S1PR2: variants seen among roughly 807,000 people sequenced by gnomAD.
S1PR2 encodes the protein sphingosine 1-phosphate receptor 2.
Under a neutral mutation model 16.1 loss-of-function variants are expected in S1PR2, and 9 were observed. That is an observed-to-expected ratio of 0.56 (90% CI 0.34 to 0.98). The LOEUF (loss-of-function observed/expected upper bound fraction) is 0.98. S1PR2 is among the 50% of genes least tolerant of loss of function. S1PR2 has a pLI of 0.02. For synonymous variants in S1PR2, 224 were observed against 233.9 expected (o/e 0.96, Z 0.38); for missense variants, 361 against 488.4 (o/e 0.74, Z 2.46).
Position 10,222,780 on chromosome 19 carries a change from C to G in S1PR2, c.*1064G>C, listed in dbSNP as rs2039601177. 2.0e-5 allele frequency: 3 copies of G among 152,178 alleles called. No individual in the cohort carries two copies. The South Asian group carries it at 6.2e-4, about 32-fold the overall frequency. 9.4% of individuals were successfully genotyped at this position (152,178 alleles called of 1,614,324 possible). A position where few individuals can be genotyped will look rare whatever the true frequency, so the allele number is the denominator to read the frequency against. On this transcript the variant is annotated 3_prime_UTR_variant, in exon 2 of 2. Transcript: ENST00000646641. ...TCAGGACAGTGGTTCTGTAGTCGCA[C>G]GAAGTTGCCCAGAGAAGGTGGCAGG...
Position 10,224,939 on chromosome 19 carries a change from C to T in S1PR2, c.-34G>A. On this transcript the variant is annotated 5_prime_UTR_variant, in exon 2 of 2. Transcript: ENST00000646641. ...TCAGAGGCCTGCTGGGGCCATGGGG[C>T]TTTCAGAACTGCAGAGAAGACAGAC... The T allele has an allele frequency of 6.5e-7, 1 of 1,537,702 alleles. No individual in the cohort carries two copies. The highest frequency in any genetic ancestry group is 8.8e-7 in the Non-Finnish European group (1 of 1,130,728).
In S1PR2 at chr19:10,227,132, T is replaced by A. The variant is rs182623858; in HGVS notation, c.-42-2185A>T. ...GGTTAGGGGTTGTCAGAGGCGCCAG[T>A]GCAGTGTATGCCTTTCATGAAGGGA... On this transcript the variant is annotated intron_variant, in intron 1 of 1. Transcript: ENST00000646641. Among the ~76,000 whole-genome samples the A allele has an allele frequency of 1.1e-3, 168 of 151,898 alleles. 1 individual carries two copies. Among genetic ancestry groups the A allele is most frequent in the Non-Finnish European group, 1.7e-3 (113 of 67,904 alleles).
intron 1 of S1PR2, among the ~76,000 whole-genome samples, chr19:10,230,224 T>G: frequency 6.6e-6 from 1 of 152,334 alleles, no homozygotes; most frequent in South Asian, 2.1e-4. Flanking sequence ...GGTTTAGGAA[T>G]GCGCGGTATC....
intron 1 of S1PR2, among the ~76,000 whole-genome samples, chr19:10,229,105 C>T (rs1330401318): frequency 6.6e-6 from 1 of 152,070 alleles, no homozygotes; most frequent in Non-Finnish European, 1.5e-5. Context: ...CACTCCCCAA[C>T]TCCAAATTCT....
chr19:10,230,918 C>G (rs2145447654), intron 1 of S1PR2, among the ~76,000 whole-genome samples: 1 of 152,344 alleles, frequency 6.6e-6, no homozygotes, highest in Admixed American at 6.5e-5. Context: ...CGGCGTCCTG[C>G]CTCCCAAAGA....
Position 10,224,090 on chromosome 19 carries a change from G to C in S1PR2, c.816C>G (p.Tyr272Ter), listed in dbSNP as rs774428989. Residue 272 changes from tyrosine (Y) to a stop codon, truncating the protein, a stop_gained, in exon 2 of 2, where the codon TAC becomes TAG. Transcript: ENST00000646641. LOFTEE classifies it high-confidence loss of function. ...AATTCAGGGTGGAGACGGCGAAAAA[G>C]TAGTGGGCTTTGTAGAGGATCGGGC... ...HSCPILYKAH[Y>*]FFAVSTLNSL... The C allele has an allele frequency of 6.2e-7, 1 of 1,606,432 alleles. No individual in the cohort carries two copies. Among genetic ancestry groups the C allele is most frequent in the Non-Finnish European group, 8.5e-7 (1 of 1,179,994 alleles).
Position 10,224,040 on chromosome 19 carries a change from G to A in S1PR2, c.866C>T (p.Thr289Met), listed in dbSNP as rs373228288. ...CCGCCGCAGGTCCCGGCTGCGCCAC[G>A]TGTAGATGACGGGGTTGAGCAGGGA... ...LNSLLNPVIY[T>M]WRSRDLRREV... Residue 289 changes from threonine to methionine, a missense_variant, in exon 2 of 2, where the codon ACG (threonine) becomes ATG (methionine). Transcript: ENST00000646641. The A allele has an allele frequency of 8.1e-6, 13 of 1,611,986 alleles. No homozygotes were observed. The highest frequency in any genetic ancestry group is 5.0e-5 in the Admixed American group (3 of 60,030).
At chr19:10,230,346 G>C (rs1462994359) in intron 1 of S1PR2, 2 of 154,282 alleles carry the variant, frequency 1.3e-5, no homozygotes, top group Non-Finnish European at 2.9e-5. Flanking sequence ...TCTCCGTCCC[G>C]CCAGGGGTCC....
intron 1 of S1PR2, among the ~76,000 whole-genome samples, chr19:10,227,414 C>T (rs1041924512): frequency 6.6e-6 from 1 of 152,176 alleles, no homozygotes; most frequent in Non-Finnish European, 1.5e-5. Flanking sequence ...GGAGGGACAT[C>T]CGTCCTAGTT....
At position 10,221,437 on chromosome 19, in the gene S1PR2, G is replaced by A. The variant is rs2039592216; in HGVS notation, c.*2407C>T. 6.6e-6 allele frequency: 1 copy of A among 152,510 alleles called. No homozygotes were observed. The highest frequency in any genetic ancestry group is 6.5e-5 in the Admixed American group (1 of 15,276). The allele number at this position is 152,510 out of a possible 1,614,324, so 9.4% of individuals were successfully genotyped here. A position where few individuals can be genotyped will look rare whatever the true frequency, so the allele number is the denominator to read the frequency against. ...AAAGACACACCAACCACAGGAAACA[G>A]AAATTGAACCGTTTATTAGCCTAGG... On this transcript the variant is annotated 3_prime_UTR_variant, in exon 2 of 2. Coordinates refer to ENST00000646641, the MANE Select transcript of S1PR2 (RefSeq NM_004230.4).
In S1PR2 at chr19:10,223,216, G is replaced by T. The variant is rs1417112774; in HGVS notation, c.*628C>A. ...AAAAAAAAAAAAAAAGCCGGGCACGGTGGCTCACGCCTGTAATCCCAGCAC... is the reference window on the plus strand; with the variant it reads ...AAAAAAAAAAAAAAAGCCGGGCACGTTGGCTCACGCCTGTAATCCCAGCAC... On this transcript the variant is annotated 3_prime_UTR_variant, in exon 2 of 2. Transcript: ENST00000646641. The T allele has an allele frequency of 2.2e-5, 3 of 134,706 alleles. No homozygotes were observed. In the East Asian group the frequency reaches 6.6e-4, roughly 30 times the overall value. The allele number at this position is 134,706 out of a possible 1,614,324, so 8.3% of individuals were successfully genotyped here.
In S1PR2 at chr19:10,224,561, C is replaced by G; in HGVS notation, c.345G>C (p.Thr115=). The part of the protein sequence containing the change: ...WFAREGSAFI[T]LSASVFSLLA... Reference sequence around the variant, plus strand: ...GGAGGCTGAAGACAGAGGCCGAGAGCGTGATGAAGGCAGAGCCCTCCCGGG... The same window carrying G: ...GGAGGCTGAAGACAGAGGCCGAGAGGGTGATGAAGGCAGAGCCCTCCCGGG... Residue 115 remains threonine, a synonymous_variant, in exon 2 of 2, where the codon ACG becomes ACC. Transcript: ENST00000646641. 1 of 1,613,858 alleles carries G rather than the reference C, an allele frequency of 6.2e-7. No homozygotes were observed. The highest frequency in any genetic ancestry group is 1.3e-5 in the African/African-American group (1 of 75,078).
chr19:10,223,778 G>A lies in S1PR2; in HGVS notation c.*66C>T. ...GCTCAGTAGCCCCAAGTCTCTATCT[G>A]GGGTCACCCAGTGGCCTCTCCATGA... On this transcript the variant is annotated 3_prime_UTR_variant, in exon 2 of 2. Coordinates refer to ENST00000646641, the MANE Select transcript of S1PR2 (RefSeq NM_004230.4). 1 of 1,414,454 alleles carries A rather than the reference G, an allele frequency of 7.1e-7. No individual in the cohort carries two copies. The highest frequency in any genetic ancestry group is 1.4e-5 in the South Asian group (1 of 71,546). 87.6% of individuals were successfully genotyped at this position (1,414,454 alleles called of 1,614,324 possible). A position where few individuals can be genotyped will look rare whatever the true frequency, so the allele number is the denominator to read the frequency against.
At position 10,230,079 on chromosome 19, in the gene S1PR2, G is replaced by A. The variant is rs112557438; in HGVS notation, c.-43+1125C>T. Among the ~76,000 whole-genome samples the A allele has an allele frequency of 3.7e-3, 559 of 152,342 alleles. 4 individuals are homozygous for A. The highest frequency in any genetic ancestry group is 6.0e-3 in the Non-Finnish European group (410 of 68,042). The stretch of plus-strand genomic sequence containing the variant: ...AGCCCAGACCCAAACAGCAACAAAG[G>A]AGCCTGGAGACACCTCTGGTCCGCG... On this transcript the variant is annotated intron_variant, in intron 1 of 1. Transcript: ENST00000646641.
intron 1 of S1PR2, among the ~76,000 whole-genome samples, chr19:10,228,483 G>T (rs992373994): frequency 2.6e-5 from 4 of 152,190 alleles, no homozygotes; most frequent in Non-Finnish European, 5.9e-5. Flanking sequence ...AGCTCTCCTA[G>T]AGAAGGGGAA....
intron 1 of S1PR2, among the ~76,000 whole-genome samples, chr19:10,227,717 C>A (rs923624527): frequency 1.3e-5 from 2 of 152,192 alleles, no homozygotes; most frequent in South Asian, 2.1e-4. Flanking sequence ...CAGTTGGGGG[C>A]GCTCTACGGC....
intron 1 of S1PR2, among the ~76,000 whole-genome samples, chr19:10,229,959 A>T (rs2145446054): frequency 6.6e-6 from 1 of 151,330 alleles, no homozygotes; most frequent in South Asian, 2.1e-4. Context: ...AAACACTCAG[A>T]AAACGTGTGG....
At chr19:10,225,792 C>G (rs1212899461) in intron 1 of S1PR2, among the ~76,000 whole-genome samples, 1 of 152,054 alleles carries the variant, frequency 6.6e-6, no homozygotes, top group East Asian at 1.9e-4. Context: ...TCCTCGGCCT[C>G]TCAAAGCAAT....
At chr19:10,231,152 C>T (rs901739243) in intron 1 of S1PR2, 52 bp downstream of exon 1, 2 of 152,770 alleles carry the variant, frequency 1.3e-5, no homozygotes, top group Non-Finnish European at 2.9e-5. Context: ...ATCCCGAGAC[C>T]TCAGGGGACC....
Sources: gnomAD v4.1 joint callset for allele counts (sites outside exome capture counted in the v4.1 genomes callset) on GRCh38, gnomAD v4.1.1 for gene constraint, MANE v1.5 for transcripts, NCBI Gene and HGNC (gene_info 2026-07-23, HGNC 2026-07-21) for gene names.